Variants in SHQ1 observed in about 807,000 individuals in gnomAD.
SHQ1 encodes the protein protein SHQ1 homolog.
SHQ1 carries 49 observed loss-of-function variants against 53.8 expected under a neutral mutation model. The ratio of observed to expected loss-of-function variants is 0.91; its 90% CI spans 0.72 to 1.16. The LOEUF (loss-of-function observed/expected upper bound fraction) is 1.16, where lower values mean the gene tolerates loss of function less well. SHQ1 is among the 50% of genes most tolerant of loss of function. The pLI is 0.00. For missense variants in SHQ1, 738 were observed against 683.1 expected, an observed-to-expected ratio of 1.08 and a Z score of -0.90; for synonymous variants, 243 against 251.0, an observed-to-expected ratio of 0.97 and a Z score of 0.30.
intron 10 of SHQ1, among the ~76,000 whole-genome samples, chr3:72,766,514 G>A (rs1380316037): frequency 1.3e-5 from 2 of 152,096 alleles, no homozygotes; most frequent in African/African-American, 4.8e-5. Flanking sequence ...AGACATAGAG[G>A]TTTAATAAAA....
chr3:72,798,363 T>C lies in SHQ1; in HGVS notation c.1061-5327A>G, dbSNP rs558921211. On this transcript the variant is annotated intron_variant, in intron 9 of 10. Transcript: ENST00000325599. ...GAAGAATGACTCGAAGACCAAGAAC[T>C]CTTGTTCACTCATGAAAGCAGTTTA... 1.5e-4 allele frequency among the ~76,000 whole-genome samples: 23 copies of C among 152,310 alleles called. 1 individual carries two copies. In the South Asian group the frequency reaches 3.7e-3, roughly 25 times the overall value.
chr3:72,727,955 C>T, the SHQ1 span, among the ~76,000 whole-genome samples: 3 of 152,196 alleles, frequency 2.0e-5, no homozygotes, highest in Admixed American at 6.5e-5. Flanking sequence ...ACTCAGCCTG[C>T]GTGAAGAGCA....
chr3:72,735,949 AAT>A, the SHQ1 span, among the ~76,000 whole-genome samples: 1 of 151,980 alleles, frequency 6.6e-6, no homozygotes, highest in South Asian at 2.1e-4. Context: ...TGGTATATGC[AAT>A]TTCTTTTCCA....
intron 10 of SHQ1, among the ~76,000 whole-genome samples, chr3:72,763,603 T>C (rs1303524179): frequency 6.6e-6 from 1 of 152,162 alleles, no homozygotes; most frequent in Admixed American, 6.5e-5. Context: ...CACACCGGAT[T>C]AGGGAAGGAC....
chr3:72,836,269 C>T (rs1707990503), intron 4 of SHQ1, among the ~76,000 whole-genome samples: 1 of 152,204 alleles, frequency 6.6e-6, no homozygotes, highest in Non-Finnish European at 1.5e-5. Context: ...GCGGGCAGAT[C>T]ACCAGGTCAG....
At chr3:72,779,649 G>A (rs1706033280) in intron 10 of SHQ1, among the ~76,000 whole-genome samples, 1 of 152,158 alleles carries the variant, frequency 6.6e-6, no homozygotes, top group South Asian at 2.1e-4. Flanking sequence ...TGAATGGACT[G>A]ATGAACAGAT....
intron 10 of SHQ1, chr3:72,772,963 G>C (rs1705887106): frequency 1.0e-5 from 11 of 1,104,234 alleles, no homozygotes; most frequent in South Asian, 3.9e-5. Context: ...ACAAAATCAA[G>C]AAGAAGAAAG....
chr3:72,835,297 A>G (rs1318627130), intron 4 of SHQ1, among the ~76,000 whole-genome samples: 1 of 152,042 alleles, frequency 6.6e-6, no homozygotes, highest in African/African-American at 2.4e-5. Flanking sequence ...TAAATGAGAT[A>G]ATACAAGTAA....
At chr3:72,842,204 C>T in intron 3 of SHQ1, 76 bp downstream of exon 3, 1 of 1,519,068 alleles carries the variant, frequency 6.6e-7, no homozygotes, top group Non-Finnish European at 9.0e-7. Context: ...TCACTATATC[C>T]CATTTCCCCT....
At chr3:72,758,118 AGAAGTTGCTGGT>A (rs1452239540) in intron 10 of SHQ1, among the ~76,000 whole-genome samples, 1 of 152,234 alleles carries the variant, frequency 6.6e-6, no homozygotes. Context: ...GGCTTTAAGT[AGAAGTTGCTGGT>A]GAAATTCCTA....
At position 72,817,340 on chromosome 3, in the gene SHQ1, T is replaced by C. The variant is rs1707349011; in HGVS notation, c.772A>G (p.Asn258Asp). The change falls in exon 7 of 11, where the codon AAT (asparagine) becomes GAT (aspartate). Residue 258 changes from asparagine (N) to aspartate (D), a missense_variant. Asn to Asp is a conservative substitution (Grantham distance 23). Transcript: ENST00000325599. The part of the protein sequence containing the change: ...EEKYQLRKFV[N>D]KSYLLDKRAC... ...CTCTTGTCCAGCAGATAAGATTTAT[T>C]GACAAATTTTCGTAGCTGATACTTC... 6.2e-7 allele frequency: 1 copy of C among 1,613,030 alleles called. No homozygotes were observed. The highest frequency in any genetic ancestry group is 1.3e-5 in the African/African-American group (1 of 74,906).
At chr3:72,823,066 G>A (rs564013578) in intron 6 of SHQ1, among the ~76,000 whole-genome samples, 11 of 150,770 alleles carry the variant, frequency 7.3e-5, no homozygotes, top group Non-Finnish European at 1.2e-4. Flanking sequence ...GGAGAATGGC[G>A]TGAAACCGGG....
intron 10 of SHQ1, chr3:72,773,297 A>C (rs1705893097): frequency 1.6e-6 from 1 of 629,274 alleles, no homozygotes; most frequent in African/African-American, 1.8e-5. Flanking sequence ...GATAAAGAAA[A>C]ATTGGAATCT....
chr3:72,792,053 G>A (rs1216983643), intron 10 of SHQ1, among the ~76,000 whole-genome samples: 2 of 152,202 alleles, frequency 1.3e-5, no homozygotes, highest in African/African-American at 4.8e-5. Context: ...GAGCTCATTT[G>A]TGAGTGTTCA....
At chr3:72,741,069 A>C in the SHQ1 span, among the ~76,000 whole-genome samples, 33,340 of 152,124 alleles carry the variant, frequency 0.22, 3,903 homozygotes, top group Non-Finnish European at 0.25. Context: ...TTTCCACTGT[A>C]TGTGGAGGGG....
intron 9 of SHQ1, among the ~76,000 whole-genome samples, chr3:72,810,925 C>T (rs1254790907): frequency 2.0e-5 from 3 of 152,182 alleles, no homozygotes; most frequent in African/African-American, 4.8e-5. Context: ...CAGTGTGTTA[C>T]TTCAAGTTTT....
At chr3:72,750,968 G>A in intron 10 of SHQ1, 132 bp from the exon 11 acceptor site, 1 of 625,246 alleles carries the variant, frequency 1.6e-6, no homozygotes, top group Non-Finnish European at 2.5e-6. Flanking sequence ...TATCATAACA[G>A]ATCCAAGATA....
intron 10 of SHQ1, among the ~76,000 whole-genome samples, chr3:72,789,957 T>C (rs1227038212): frequency 6.6e-6 from 1 of 152,222 alleles, no homozygotes; most frequent in East Asian, 1.9e-4. Context: ...TTGAAAAATA[T>C]GAAATCTGGA....
intron 9 of SHQ1, among the ~76,000 whole-genome samples, chr3:72,803,283 T>C (rs567378849): frequency 6.6e-6 from 1 of 152,336 alleles, no homozygotes; most frequent in South Asian, 2.1e-4. Flanking sequence ...GGCAATACTA[T>C]ATATTCACAC....
Sources: gnomAD v4.1 joint callset for allele counts (sites outside exome capture counted in the v4.1 genomes callset) on GRCh38, gnomAD v4.1.1 for gene constraint, MANE v1.5 for transcripts, NCBI Gene and HGNC (gene_info 2026-07-23, HGNC 2026-07-21) for gene names.